SLC30A6: variants seen among roughly 807,000 people sequenced by gnomAD.
SLC30A6 encodes the protein zinc transporter 6.
In SLC30A6, 55 loss-of-function variants were observed where a neutral mutation model predicts 63.0. That is an observed-to-expected ratio of 0.87 (90% CI 0.70 to 1.09). The LOEUF (loss-of-function observed/expected upper bound fraction) is 1.09. Among genes scored for constraint, SLC30A6 ranks in the 50% least tolerant of loss-of-function variants. The pLI, the probability that SLC30A6 is intolerant of heterozygous loss-of-function variation, is 0.00. For synonymous variants in SLC30A6, 224 were observed against 186.1 expected, an observed-to-expected ratio of 1.20 and a Z score of -1.66; for missense variants, 587 against 549.2, an observed-to-expected ratio of 1.07 and a Z score of -0.69.
chr2:32,166,978 T>C (rs1427648048), intron 1 of SLC30A6, among the ~76,000 whole-genome samples: 1 of 151,942 alleles, frequency 6.6e-6, no homozygotes, highest in Non-Finnish European at 1.5e-5. Flanking sequence ...ACTCAAATTT[T>C]CTCCTTTTTT....
At chr2:32,213,683 T>C (rs551890154) in intron 13 of SLC30A6, among the ~76,000 whole-genome samples, 1 of 152,304 alleles carries the variant, frequency 6.6e-6, no homozygotes, top group Admixed American at 6.5e-5. Context: ...CAACATAATT[T>C]TTAGTTTTCT....
chr2:32,171,097 C>T (rs531896252), intron 1 of SLC30A6, among the ~76,000 whole-genome samples, 190 bp from the exon 2 acceptor site: 3 of 152,236 alleles, frequency 2.0e-5, no homozygotes, highest in Non-Finnish European at 4.4e-5. Context: ...AAAGTTGTCT[C>T]CACCACATAG....
chr2:32,179,973 T>TA (rs1364306974), intron 4 of SLC30A6, among the ~76,000 whole-genome samples: 1 of 152,160 alleles, frequency 6.6e-6, no homozygotes, highest in African/African-American at 2.4e-5. Context: ...TTAAATATGT[T>TA]ACCGCCAAGA....
rs1684818144 is a variant in SLC30A6, at chr2:32,206,872, G to T, written c.769-14G>T. On this transcript the variant is annotated splice_polypyrimidine_tract_variant and intron_variant, in intron 11 of 13. Coordinates refer to ENST00000282587, the MANE Select transcript of SLC30A6 (RefSeq NM_017964.5). ...CTTCCCCCATTATTCATATTTTATT[G>T]TATTTTTCCCCAGACAACACCACCC... 2 of 1,607,664 alleles carry T rather than the reference G, an allele frequency of 1.2e-6. No homozygotes were observed. The highest frequency in any genetic ancestry group is 4.5e-5 in the East Asian group (2 of 44,792).
intron 10 of SLC30A6, among the ~76,000 whole-genome samples, chr2:32,198,836 G>A (rs1684023274): frequency 1.3e-5 from 2 of 152,122 alleles, no homozygotes; most frequent in African/African-American, 4.8e-5. Flanking sequence ...CACCTGCCTC[G>A]GTGGCTCATG....
chr2:32,222,138 C>A lies in SLC30A6; in HGVS notation c.*1425C>A, dbSNP rs187028036. 1 of 151,884 alleles carries A rather than the reference C, an allele frequency of 6.6e-6. No homozygotes were observed. The highest frequency in any genetic ancestry group is 6.5e-5 in the Admixed American group (1 of 15,276). 9.4% of individuals were successfully genotyped at this position (151,884 alleles called of 1,614,324 possible). A position where few individuals can be genotyped will look rare whatever the true frequency, so the allele number is the denominator to read the frequency against. On this transcript the variant is annotated 3_prime_UTR_variant, in exon 14 of 14. Transcript: ENST00000282587. ...TAACTGTGATGAAATGTGAGAATTACATAGATTATGTTATTTTTTAGTTGT... is the reference window on the plus strand; with the variant it reads ...TAACTGTGATGAAATGTGAGAATTAAATAGATTATGTTATTTTTTAGTTGT...
chr2:32,177,059 C>T (rs1286271345), intron 4 of SLC30A6, among the ~76,000 whole-genome samples: 2 of 151,728 alleles, frequency 1.3e-5, no homozygotes, highest in East Asian at 2.0e-4. Context: ...AGGTGTGAGC[C>T]ACCACGCCTG....
intron 13 of SLC30A6, among the ~76,000 whole-genome samples, chr2:32,216,331 T>A (rs1212333107): frequency 6.6e-6 from 1 of 151,458 alleles, no homozygotes; most frequent in African/African-American, 2.4e-5. Flanking sequence ...AGGTCAGGAG[T>A]TCAAGACCAG....
chr2:32,215,518 T>TATATATATATATATATATATATATATA (rs66665816), intron 13 of SLC30A6, among the ~76,000 whole-genome samples: 3 of 93,266 alleles, frequency 3.2e-5, no homozygotes, highest in African/African-American at 1.5e-4. Flanking sequence ...ATATATATAT[T>TATATATATATATATATATATATATATA]TTTTTTTTTT....
chr2:32,215,323 T>A (rs1428129481), intron 13 of SLC30A6, among the ~76,000 whole-genome samples: 1 of 151,848 alleles, frequency 6.6e-6, no homozygotes, highest in Non-Finnish European at 1.5e-5. Flanking sequence ...GCCTCCCAAG[T>A]AGCTGTGACT....
chr2:32,220,770 G>A lies in SLC30A6; in HGVS notation c.*57G>A. 3 of 1,473,418 alleles carry A rather than the reference G, an allele frequency of 2.0e-6. No individual in the cohort carries two copies. The highest frequency in any genetic ancestry group is 2.8e-6 in the Non-Finnish European group (3 of 1,086,042). 91.3% of individuals were successfully genotyped at this position (1,473,418 alleles called of 1,614,324 possible). A position where few individuals can be genotyped will look rare whatever the true frequency, so the allele number is the denominator to read the frequency against. On this transcript the variant is annotated 3_prime_UTR_variant, in exon 14 of 14. Coordinates refer to ENST00000282587, the MANE Select transcript of SLC30A6 (RefSeq NM_017964.5). ...GACTCCTTGGCTTCCAATTTATTTA[G>A]TAATCCAACTTTGCATTGACTGTTT... is the stretch of plus-strand genomic sequence containing the variant.
At chr2:32,175,734 G>C (rs962301956) in intron 4 of SLC30A6, among the ~76,000 whole-genome samples, 11 of 152,286 alleles carry the variant, frequency 7.2e-5, no homozygotes, top group African/African-American at 2.4e-4. Context: ...CCAGCACTTT[G>C]GGAGGCCGAG....
chr2:32,194,195 A>C (rs1167037299), intron 8 of SLC30A6, among the ~76,000 whole-genome samples: 1 of 152,240 alleles, frequency 6.6e-6, no homozygotes. Context: ...ATTTTAAAAC[A>C]GGCAGGAGTG....
At chr2:32,173,129 C>T (rs1681382923) in intron 2 of SLC30A6, among the ~76,000 whole-genome samples, 1 of 152,172 alleles carries the variant, frequency 6.6e-6, no homozygotes, top group African/African-American at 2.4e-5. Context: ...TTATAAGTTC[C>T]ACTCTCAGGG....
chr2:32,183,938 G>A (rs10199511), intron 4 of SLC30A6, among the ~76,000 whole-genome samples: 11,280 of 152,126 alleles, frequency 0.074, 514 homozygotes, highest in Middle Eastern at 0.12. Context: ...TCATTTTTTA[G>A]CATTTTCAGT....
At chr2:32,188,624 G>A (rs1282267626) in intron 5 of SLC30A6, among the ~76,000 whole-genome samples, 1 of 152,130 alleles carries the variant, frequency 6.6e-6, no homozygotes, top group African/African-American at 2.4e-5. Flanking sequence ...AGACCGGGAG[G>A]CGGAGACTGC....
intron 10 of SLC30A6, chr2:32,203,075 A>G: frequency 2.3e-6 from 3 of 1,302,948 alleles, no homozygotes; most frequent in African/African-American, 1.4e-5. Context: ...TTGCACAGTC[A>G]CAAAGAGAAT....
At position 32,195,099 on chromosome 2, in the gene SLC30A6, C is replaced by CTTTT. The variant is rs11453810; in HGVS notation, c.496+1131_496+1134dup. 1.2e-4 allele frequency among the ~76,000 whole-genome samples: 15 copies of CTTTT among 125,738 alleles called. 1 individual carries two copies. The highest frequency in any genetic ancestry group is 3.0e-4 in the African/African-American group (10 of 33,446). The allele number at this position is 125,738 out of a possible 152,430, so 82.5% of individuals were successfully genotyped here. A position where few individuals can be genotyped will look rare whatever the true frequency, so the allele number is the denominator to read the frequency against. ...GTATATATTACAGTTTTATGCCTGG[C>CTTTT]TTTTTTTTTTTTTTTTTTGAAACGG... On this transcript the variant is annotated intron_variant, in intron 8 of 13. Transcript: ENST00000282587.
intron 4 of SLC30A6, among the ~76,000 whole-genome samples, chr2:32,181,630 TC>T: frequency 6.6e-6 from 1 of 151,872 alleles, no homozygotes; most frequent in Non-Finnish European, 1.5e-5. Context: ...ACTTTGGGAG[TC>T]CGAGGCTGGC....
Sources: allele counts gnomAD v4.1 joint callset (sites outside exome capture counted in the v4.1 genomes callset), GRCh38; gene constraint gnomAD v4.1.1; transcripts MANE v1.5; gene names NCBI Gene and HGNC (gene_info 2026-07-23, HGNC 2026-07-21).